The following MTUS1 variants were observed in gnomAD, a reference collection of about 807,000 sequenced individuals.
MTUS1 encodes the protein microtubule associated scaffold protein 1, also known as microtubule-associated tumor suppressor 1.
A neutral mutation model predicts 120.8 loss-of-function variants in MTUS1; 109 were observed. That is an observed-to-expected ratio of 0.90 (90% CI 0.77 to 1.06). The LOEUF (loss-of-function observed/expected upper bound fraction) is 1.06. MTUS1 is among the 50% of genes least tolerant of loss of function. MTUS1 has a pLI of 0.00. For synonymous variants in MTUS1, 737 were observed against 550.5 expected, an observed-to-expected ratio of 1.34 and a Z score of -4.74; for missense variants, 2,210 against 1,486.3, an observed-to-expected ratio of 1.49 and a Z score of -8.01.
chr8:17,684,039 T>A (rs1045122475), intron 7 of MTUS1, among the ~76,000 whole-genome samples: 2 of 152,096 alleles, frequency 1.3e-5, no homozygotes, highest in African/African-American at 4.8e-5. Context: ...CTAATGCTAG[T>A]TTAGGTCTAG....
intron 1 of MTUS1, among the ~76,000 whole-genome samples, chr8:17,800,325 T>A (rs2052579954): frequency 6.6e-6 from 1 of 152,168 alleles, no homozygotes; most frequent in African/African-American, 2.4e-5. Flanking sequence ...CACGCACCGT[T>A]TTGCCTAAGA....
intron 6 of MTUS1, chr8:17,697,196 T>A: frequency 6.6e-7 from 1 of 1,518,338 alleles, no homozygotes; most frequent in Non-Finnish European, 8.9e-7. Context: ...CTGATAAACA[T>A]CTGCAAATTA....
chr8:17,661,706 G>C (rs1003434483), intron 8 of MTUS1, among the ~76,000 whole-genome samples: 2 of 151,640 alleles, frequency 1.3e-5, no homozygotes, highest in East Asian at 1.9e-4. Context: ...CACATGGGAA[G>C]AAACGGGAAA....
intron 13 of MTUS1, 158 bp from the exon 14 acceptor site, chr8:17,647,237 G>T (rs2129993454): frequency 5.2e-6 from 3 of 577,756 alleles, no homozygotes; most frequent in Middle Eastern, 4.0e-4. Flanking sequence ...TACTGAAAAA[G>T]ATTTTAAAAC....
At chr8:17,773,455 T>C (rs2050163963) in intron 1 of MTUS1, among the ~76,000 whole-genome samples, 1 of 152,204 alleles carries the variant, frequency 6.6e-6, no homozygotes, top group Non-Finnish European at 1.5e-5. Context: ...ATGTATATGT[T>C]ACTATGTTTT....
chr8:17,714,653 T>C (rs1821960493), intron 5 of MTUS1, among the ~76,000 whole-genome samples: 1 of 152,148 alleles, frequency 6.6e-6, no homozygotes, highest in Non-Finnish European at 1.5e-5. Context: ...CAGAAGAGTA[T>C]ATTCATTATT....
At chr8:17,714,125 C>T (rs918231691) in intron 5 of MTUS1, among the ~76,000 whole-genome samples, 1 of 152,182 alleles carries the variant, frequency 6.6e-6, no homozygotes, top group Non-Finnish European at 1.5e-5. Flanking sequence ...AGTTTTCCAA[C>T]CTGATGTCAA....
chr8:17,759,185 G>C (rs1221656499), intron 1 of MTUS1, among the ~76,000 whole-genome samples: 1 of 152,154 alleles, frequency 6.6e-6, no homozygotes, highest in East Asian at 1.9e-4. Context: ...CCGGCCCCAA[G>C]GTTATTTTTT....
intron 6 of MTUS1, among the ~76,000 whole-genome samples, chr8:17,712,620 T>C (rs941704283): frequency 1.3e-5 from 2 of 152,212 alleles, no homozygotes; most frequent in African/African-American, 2.4e-5. Context: ...ATTACAGGTG[T>C]GAGCCACTGG....
intron 1 of MTUS1, chr8:17,780,846 G>A (rs893217230): frequency 2.0e-5 from 3 of 152,144 alleles, no homozygotes; most frequent in Non-Finnish European, 1.5e-5. Flanking sequence ...GGGACCCAGT[G>A]ACCTAAGACA....
chr8:17,682,912 C>T lies in MTUS1; in HGVS notation c.2838+1416G>A, dbSNP rs1814885603. Among the ~76,000 whole-genome samples, 3 of 116,090 alleles carry T rather than the reference C, an allele frequency of 2.6e-5. No homozygotes were observed. In the South Asian group the frequency reaches 1.0e-3, roughly 41 times the overall value. The allele number at this position is 116,090 out of a possible 152,430, so 76.2% of individuals were successfully genotyped here. On this transcript the variant is annotated intron_variant, in intron 7 of 14. Coordinates refer to ENST00000693296, the MANE Select transcript of MTUS1 (RefSeq NM_001363059.2). ...AAAACCCTAAGTAGTCTCCAACTTCCCCTCAAAAAAAACAAAAACAAAAAC... is the reference window on the plus strand; with the variant it reads ...AAAACCCTAAGTAGTCTCCAACTTCTCCTCAAAAAAAACAAAAACAAAAAC...
chr8:17,654,849 G>A (rs1014070388), intron 9 of MTUS1, 183 bp from the exon 10 acceptor site: 1 of 586,606 alleles, frequency 1.7e-6, no homozygotes, highest in East Asian at 2.8e-5. Context: ...AGCACTCTGG[G>A]AGGCAGAGGT....
At position 17,701,828 on chromosome 8, in the gene MTUS1, C is replaced by T. The variant is rs557434875; in HGVS notation, c.2623+11386G>A. 5.3e-5 allele frequency among the ~76,000 whole-genome samples: 8 copies of T among 152,264 alleles called. No individual in the cohort carries two copies. In the East Asian group the frequency reaches 5.8e-4, roughly 11 times the overall value. On this transcript the variant is annotated intron_variant, in intron 6 of 14. Transcript: ENST00000693296. ...CCTCCCAAAGTGCTGGGATTACAAGCGTGAGCCACCGCACCCGGCCAGAAT... is the reference window on the plus strand; with the variant it reads ...CCTCCCAAAGTGCTGGGATTACAAGTGTGAGCCACCGCACCCGGCCAGAAT...
At chr8:17,797,878 C>G (rs1379836974) in intron 1 of MTUS1, among the ~76,000 whole-genome samples, 1 of 152,156 alleles carries the variant, frequency 6.6e-6, no homozygotes, top group Non-Finnish European at 1.5e-5. Flanking sequence ...TTCAAGCTTT[C>G]ACAACACAGA....
intron 1 of MTUS1, among the ~76,000 whole-genome samples, chr8:17,780,084 G>A (rs2050756445): frequency 6.6e-6 from 1 of 152,080 alleles, no homozygotes; most frequent in Non-Finnish European, 1.5e-5. Context: ...AATGGCTTGG[G>A]GCTGTCCACA....
chr8:17,696,194 C>T (rs1458103772), intron 6 of MTUS1, among the ~76,000 whole-genome samples: 1 of 152,072 alleles, frequency 6.6e-6, no homozygotes, highest in Admixed American at 6.6e-5. Flanking sequence ...TCAGCTCAGA[C>T]TGAAAGGGAG....
At position 17,655,904 on chromosome 8, in the gene MTUS1, T is replaced by C. The variant is rs753749219; in HGVS notation, c.3067A>G (p.Ile1023Val). 10 of 1,614,104 alleles carry C rather than the reference T, an allele frequency of 6.2e-6. No individual in the cohort carries two copies. The highest frequency in any genetic ancestry group is 1.3e-5 in the African/African-American group (1 of 74,954). ...ATTTTGTACTTCTCTGCTTCTTCAA[T>C]GTAAGTGTCCCGAAGCTTTTCATAC... The part of the protein sequence containing the change: ...REYEKLRDTY[I>V]EEAEKYKMQL... Residue 1023 changes from isoleucine (I) to valine (V), a missense_variant, in exon 9 of 15, where the codon ATT becomes GTT. Coordinates refer to ENST00000693296, the MANE Select transcript of MTUS1 (RefSeq NM_001363059.2).
intron 1 of MTUS1, among the ~76,000 whole-genome samples, chr8:17,792,771 T>C (rs987883847): frequency 1.2e-4 from 19 of 152,126 alleles, no homozygotes; most frequent in Non-Finnish European, 1.5e-5. Flanking sequence ...GGCTATGGCA[T>C]GAGAATCACT....
At chr8:17,726,893 C>T (rs1176338938) in intron 3 of MTUS1, among the ~76,000 whole-genome samples, 1 of 152,212 alleles carries the variant, frequency 6.6e-6, no homozygotes, top group Admixed American at 6.5e-5. Flanking sequence ...AGGCTTCCTA[C>T]ATTTTGGAAA....
Sources: allele counts gnomAD v4.1 joint callset (sites outside exome capture counted in the v4.1 genomes callset), GRCh38; gene constraint gnomAD v4.1.1; transcripts MANE v1.5; gene names NCBI Gene and HGNC (gene_info 2026-07-23, HGNC 2026-07-21).